OSBPL10: variants seen among roughly 807,000 people sequenced by gnomAD.
OSBPL10 encodes oxysterol-binding protein-related protein 10.
OSBPL10 carries 49 observed loss-of-function variants against 81.7 expected under a neutral mutation model. The observed-to-expected ratio is 0.60, with a 90% CI of 0.48 to 0.76. The LOEUF is 0.76. Ranked by LOEUF, OSBPL10 falls within the 30% of genes least tolerant of loss-of-function variation. The probability of loss-of-function intolerance (pLI) is 0.00; values close to 1 mark genes in which losing one functional copy is unlikely to be tolerated. For synonymous variants in OSBPL10, 419 were observed against 383.6 expected (o/e 1.09, Z -1.08); for missense variants, 923 against 987.8 (o/e 0.93, Z 0.88).
intron 4 of OSBPL10, among the ~76,000 whole-genome samples, chr3:31,800,769 A>C (rs779954506): frequency 2.6e-5 from 4 of 152,052 alleles, no homozygotes; most frequent in Non-Finnish European, 5.9e-5. Flanking sequence ...TTGAAAAGAA[A>C]ACCATGCTGA....
chr3:31,897,961 T>C (rs558011709), intron 1 of OSBPL10, among the ~76,000 whole-genome samples: 114 of 127,538 alleles, frequency 8.9e-4, no homozygotes, highest in African/African-American at 3.1e-3. Context: ...TGAGCCGAGA[T>C]CATGCCACTG....
At chr3:31,819,022 G>A (rs903598394) in intron 4 of OSBPL10, among the ~76,000 whole-genome samples, 6 of 152,334 alleles carry the variant, frequency 3.9e-5, no homozygotes, top group African/African-American at 1.4e-4. Context: ...CAAGAGCACG[G>A]TTGCTAAGAT....
At chr3:31,711,347 A>G (rs955198782) in intron 6 of OSBPL10, among the ~76,000 whole-genome samples, 3 of 152,232 alleles carry the variant, frequency 2.0e-5, no homozygotes, top group African/African-American at 4.8e-5. Flanking sequence ...GGGAGAAAGA[A>G]TGCTGTGATC....
At chr3:31,847,168 C>A (rs1198007792) in intron 3 of OSBPL10, among the ~76,000 whole-genome samples, 1 of 151,736 alleles carries the variant, frequency 6.6e-6, no homozygotes, top group Non-Finnish European at 1.5e-5. Context: ...CCTCCACTCA[C>A]AAGTCATCTG....
intron 6 of OSBPL10, among the ~76,000 whole-genome samples, chr3:31,722,125 CA>C (rs1282385524): frequency 6.6e-6 from 1 of 150,534 alleles, no homozygotes; most frequent in Non-Finnish European, 1.5e-5. Flanking sequence ...GCCACCCCCT[CA>C]AAATACCCTT....
chr3:31,994,496 G>GGATT (rs753726269), intron 2 of OSBPL10, among the ~76,000 whole-genome samples: 258 of 74,190 alleles, frequency 3.5e-3, no homozygotes, highest in Middle Eastern at 0.019. Flanking sequence ...AAAAAAGGAT[G>GGATT]GATGGATGGA....
intron 1 of OSBPL10, among the ~76,000 whole-genome samples, chr3:31,960,812 G>A (rs951663029): frequency 6.6e-6 from 1 of 151,942 alleles, no homozygotes; most frequent in Non-Finnish European, 1.5e-5. Context: ...TCACCACCAG[G>A]AGAGAATTAC....
At chr3:31,690,677 C>T (rs1559417684) in intron 7 of OSBPL10, among the ~76,000 whole-genome samples, 2 of 152,136 alleles carry the variant, frequency 1.3e-5, no homozygotes, top group Non-Finnish European at 2.9e-5. Context: ...AATGACGTGG[C>T]TTTGTCAGAG....
intron 2 of OSBPL10, among the ~76,000 whole-genome samples, chr3:32,044,741 CAAAAAAAAAAAA>C (rs34855965): frequency 1.3e-4 from 9 of 67,072 alleles, no homozygotes; most frequent in Non-Finnish European, 1.9e-4. Context: ...AACTCCATCT[CAAAAAAAAAAAA>C]AAAAAAAAAA....
chr3:31,802,543 G>A (rs1699409339), intron 4 of OSBPL10, among the ~76,000 whole-genome samples: 1 of 124,000 alleles, frequency 8.1e-6, no homozygotes, highest in Admixed American at 8.3e-5. Flanking sequence ...ACTCTAGCCT[G>A]GGTATCAAAA....
At chr3:32,008,396 A>G (rs1230823748) in intron 2 of OSBPL10, among the ~76,000 whole-genome samples, 1 of 151,104 alleles carries the variant, frequency 6.6e-6, no homozygotes, top group Non-Finnish European at 1.5e-5. Context: ...CAAGTGATGC[A>G]CCCGCCTTGG....
intron 3 of OSBPL10, among the ~76,000 whole-genome samples, chr3:31,845,031 G>A (rs1017360171): frequency 5.3e-5 from 8 of 152,198 alleles, no homozygotes; most frequent in African/African-American, 1.4e-4. Context: ...GCAGTAAGCC[G>A]TGTTTGTGCC....
At chr3:31,909,837 C>G (rs34864128) in intron 1 of OSBPL10, among the ~76,000 whole-genome samples, 1 of 152,024 alleles carries the variant, frequency 6.6e-6, no homozygotes, top group Non-Finnish European at 1.5e-5. Flanking sequence ...TTGAAACAAA[C>G]CCCCTAACAC....
At chr3:31,874,870 C>A (rs1701412856) in intron 3 of OSBPL10, among the ~76,000 whole-genome samples, 1 of 151,928 alleles carries the variant, frequency 6.6e-6, no homozygotes, top group Admixed American at 6.6e-5. Context: ...CAGATAGACA[C>A]CTAGAGGTAT....
At chr3:31,700,906 T>C (rs558131220) in intron 7 of OSBPL10, among the ~76,000 whole-genome samples, 5 of 152,262 alleles carry the variant, frequency 3.3e-5, no homozygotes, top group Non-Finnish European at 7.4e-5. Flanking sequence ...TAGCTTGGTG[T>C]GCAAAACAGA....
At chr3:31,966,361 A>T (rs1003592196) in intron 1 of OSBPL10, among the ~76,000 whole-genome samples, 2 of 151,868 alleles carry the variant, frequency 1.3e-5, no homozygotes, top group Non-Finnish European at 2.9e-5. Context: ...TTAGAAAAGA[A>T]ATGATAATTT....
rs1005902866 is a variant in OSBPL10, at chr3:31,743,036, T to A, written c.940+4874A>T. Among the ~76,000 whole-genome samples, 148 of 136,796 alleles carry A rather than the reference T, an allele frequency of 1.1e-3. 3 individuals carry two copies. The highest frequency in any genetic ancestry group is 7.5e-3 in the Admixed American group (101 of 13,554). 89.7% of individuals were successfully genotyped at this position (136,796 alleles called of 152,430 possible). On this transcript the variant is annotated intron_variant, in intron 5 of 11. Transcript: ENST00000396556. ...TTGACCGAAAAGCTAAATTAGTTTT[T>A]TTTTTTTTTTTTTTTTTTTTTTTAG... is the stretch of plus-strand genomic sequence containing the variant.
intron 3 of OSBPL10, among the ~76,000 whole-genome samples, chr3:31,833,892 G>A (rs1700311057): frequency 6.6e-6 from 1 of 152,182 alleles, no homozygotes; most frequent in South Asian, 2.1e-4. Flanking sequence ...CACGGTGGAT[G>A]TCTAAAACCA....
chr3:31,750,932 C>T (rs766201882), intron 4 of OSBPL10, among the ~76,000 whole-genome samples: 3 of 152,032 alleles, frequency 2.0e-5, no homozygotes, highest in Non-Finnish European at 2.9e-5. Context: ...AATAAAAACA[C>T]GAAACCGGCT....
Sources: gnomAD v4.1 joint callset for allele counts (sites outside exome capture counted in the v4.1 genomes callset) on GRCh38, gnomAD v4.1.1 for gene constraint, MANE v1.5 for transcripts, NCBI Gene and HGNC (gene_info 2026-07-23, HGNC 2026-07-21) for gene names.